The following CCSER1 variants were observed in gnomAD, a reference collection of about 807,000 sequenced individuals.
CCSER1 encodes the protein coiled-coil serine rich protein 1.
A neutral mutation model predicts 82.0 loss-of-function variants in CCSER1; 41 were observed. That is an observed-to-expected ratio of 0.50 (90% confidence interval 0.39 to 0.65). The LOEUF (loss-of-function observed/expected upper bound fraction) is 0.65. Ranked by LOEUF, CCSER1 falls within the 30% of genes least tolerant of loss-of-function variation. CCSER1 has a pLI of 0.00. For missense variants in CCSER1, 1,119 were observed against 1,064.2 expected (o/e 1.05, Z -0.72); for synonymous variants, 414 against 383.9 (o/e 1.08, Z -0.92).
At chr4:90,397,741 A>G (rs753227440) in intron 3 of CCSER1, among the ~76,000 whole-genome samples, 58 of 152,162 alleles carry the variant, frequency 3.8e-4, no homozygotes, top group Non-Finnish European at 6.3e-4. Context: ...GGCTCATATA[A>G]GAATCTGGTA....
chr4:91,008,301 G>T (rs1429357011), intron 9 of CCSER1, among the ~76,000 whole-genome samples: 1 of 152,080 alleles, frequency 6.6e-6, no homozygotes, highest in Admixed American at 6.5e-5. Flanking sequence ...GTTGACAGTG[G>T]AATACTGAAG....
At chr4:90,831,106 A>C (rs1761060707) in intron 8 of CCSER1, among the ~76,000 whole-genome samples, 1 of 152,106 alleles carries the variant, frequency 6.6e-6, no homozygotes. Flanking sequence ...AACAAGCAGT[A>C]GGAAGGTATG....
chr4:91,093,832 GC>G (rs1394636384), intron 10 of CCSER1, among the ~76,000 whole-genome samples: 1 of 152,182 alleles, frequency 6.6e-6, no homozygotes, highest in Admixed American at 6.5e-5. Flanking sequence ...GCTCCCAGTT[GC>G]CCCCCTTTGT....
intron 3 of CCSER1, among the ~76,000 whole-genome samples, chr4:90,321,409 G>T (rs1334612134): frequency 1.3e-5 from 2 of 152,014 alleles, no homozygotes; most frequent in African/African-American, 4.8e-5. Flanking sequence ...GATTTTTATG[G>T]CTGAATAATA....
chr4:91,451,774 G>T (rs767147638), intron 10 of CCSER1, among the ~76,000 whole-genome samples: 1 of 151,882 alleles, frequency 6.6e-6, no homozygotes, highest in Non-Finnish European at 1.5e-5. Context: ...AGACACTGTA[G>T]AATAAAATAT....
intron 5 of CCSER1, among the ~76,000 whole-genome samples, chr4:90,533,182 C>T (rs1467550276): frequency 6.6e-6 from 1 of 150,688 alleles, no homozygotes; most frequent in African/African-American, 2.4e-5. Flanking sequence ...AGCTCCGCCT[C>T]CCGGGTTCAC....
intron 10 of CCSER1, among the ~76,000 whole-genome samples, chr4:91,238,258 T>C (rs915345042): frequency 3.9e-5 from 6 of 152,008 alleles, no homozygotes; most frequent in Non-Finnish European, 5.9e-5. Context: ...CATAAAAAGG[T>C]CCATGGAGGA....
chr4:90,743,076 G>C (rs984269979), intron 7 of CCSER1, among the ~76,000 whole-genome samples: 3 of 152,006 alleles, frequency 2.0e-5, no homozygotes, highest in African/African-American at 7.3e-5. Context: ...TTAAAATTTG[G>C]ATAATAATTA....
intron 9 of CCSER1, among the ~76,000 whole-genome samples, chr4:90,946,504 G>C (rs1051563285): frequency 6.6e-6 from 1 of 151,710 alleles, no homozygotes; most frequent in Admixed American, 6.6e-5. Flanking sequence ...GGTTCCAGGC[G>C]CCTCTAATCC....
intron 3 of CCSER1, among the ~76,000 whole-genome samples, chr4:90,355,706 T>C (rs1477638214): frequency 6.6e-6 from 1 of 151,966 alleles, no homozygotes; most frequent in African/African-American, 2.4e-5. Flanking sequence ...TAATCTGTAA[T>C]TATATATTTT....
At chr4:91,382,550 T>C (rs1750986059) in intron 10 of CCSER1, among the ~76,000 whole-genome samples, 1 of 152,064 alleles carries the variant, frequency 6.6e-6, no homozygotes, top group Non-Finnish European at 1.5e-5. Context: ...GCTAAGACCA[T>C]TGGAAAAGTG....
intron 6 of CCSER1, 130 bp downstream of exon 6, chr4:90,628,362 C>G (rs934829757): frequency 1.5e-6 from 1 of 659,398 alleles, no homozygotes; most frequent in African/African-American, 1.8e-5. Flanking sequence ...CCTCTTGGAG[C>G]TTAGCTATTT....
At chr4:90,894,137 C>T (rs1288772177) in intron 8 of CCSER1, among the ~76,000 whole-genome samples, 1 of 151,874 alleles carries the variant, frequency 6.6e-6, no homozygotes, top group East Asian at 1.9e-4. Context: ...TGTTTAAATG[C>T]AATTTTTAAA....
chr4:91,086,013 G>T lies in CCSER1; in HGVS notation c.2217+19G>T, dbSNP rs377717695. 2.2e-4 allele frequency: 314 copies of T among 1,455,876 alleles called. No homozygotes were observed. The highest frequency in any genetic ancestry group is 1.0e-3 in the Admixed American group (52 of 50,670). 90.2% of individuals were successfully genotyped at this position (1,455,876 alleles called of 1,614,324 possible). A position where few individuals can be genotyped will look rare whatever the true frequency, so the allele number is the denominator to read the frequency against. Reference sequence around the variant, plus strand: ...GAGAGAGGTAAGAATGTTTAAAGAAGAGGGGTGGGAAAAAGAGGAAACATG... The same window carrying T: ...GAGAGAGGTAAGAATGTTTAAAGAATAGGGGTGGGAAAAAGAGGAAACATG... On this transcript the variant is annotated intron_variant, in intron 10 of 10. Coordinates refer to ENST00000509176, the MANE Select transcript of CCSER1 (RefSeq NM_001145065.2).
chr4:91,182,359 T>A (rs979530500), intron 10 of CCSER1, among the ~76,000 whole-genome samples: 1 of 152,228 alleles, frequency 6.6e-6, no homozygotes, highest in Non-Finnish European at 1.5e-5. Context: ...CTCCACCAAA[T>A]CAGTTGTTCT....
chr4:91,044,358 A>G (rs917108426), intron 9 of CCSER1, among the ~76,000 whole-genome samples: 2 of 152,236 alleles, frequency 1.3e-5, no homozygotes, highest in Non-Finnish European at 2.9e-5. Context: ...GACAGTGCCT[A>G]CAGAGGAGGA....
chr4:90,850,472 G>A (rs1333555544), intron 8 of CCSER1, among the ~76,000 whole-genome samples: 3 of 152,228 alleles, frequency 2.0e-5, no homozygotes, highest in Admixed American at 6.5e-5. Flanking sequence ...ATCTACAGGG[G>A]CGGAGCTGCC....
intron 1 of CCSER1, among the ~76,000 whole-genome samples, chr4:90,227,976 C>G (rs1296926653): frequency 6.6e-6 from 1 of 152,180 alleles, no homozygotes; most frequent in Non-Finnish European, 1.5e-5. Context: ...GGTCCTACGC[C>G]CATGGAGTCT....
intron 1 of CCSER1, among the ~76,000 whole-genome samples, chr4:90,230,503 C>T (rs1744260576): frequency 6.6e-6 from 1 of 151,586 alleles, no homozygotes; most frequent in Non-Finnish European, 1.5e-5. Context: ...GCACTAAATG[C>T]CCACAAGAGG....
Sources: gnomAD v4.1 joint callset for allele counts (sites outside exome capture counted in the v4.1 genomes callset) on GRCh38, gnomAD v4.1.1 for gene constraint, MANE v1.5 for transcripts, NCBI Gene and HGNC (gene_info 2026-07-23, HGNC 2026-07-21) for gene names.